Variants in EFNA3 observed in about 807,000 individuals in gnomAD.
The protein encoded by EFNA3 is ephrin-A3.
A neutral mutation model predicts 25.0 loss-of-function variants in EFNA3; 15 were observed. The ratio of observed to expected loss-of-function variants is 0.60; its 90% CI spans 0.40 to 0.92. EFNA3 has a LOEUF of 0.92. Ranked by LOEUF, EFNA3 falls within the 40% of genes least tolerant of loss-of-function variation. EFNA3 has a pLI of 0.00. For missense variants in EFNA3, 298 were observed against 323.8 expected (o/e 0.92, Z 0.61); for synonymous variants, 153 against 145.6 (o/e 1.05, Z -0.37).
rs1663332353 is a variant in EFNA3, at chr1:155,080,993, G to C, written c.128+1924G>C. Among the ~76,000 whole-genome samples the C allele has an allele frequency of 6.6e-6, 1 of 151,944 alleles. No individual in the cohort carries two copies. ...GAGAGGGCCGGGGAGCTGGGGGCGG[G>C]GCCGACCGAGCCACAGGCTCCCGCG... On this transcript the variant is annotated intron_variant, in intron 1 of 4. Transcript: ENST00000368408. This position sits in a 1 kb window ranked among gnomAD's most constrained non-coding sequence, Gnocchi z 7.0.
At position 155,080,042 on chromosome 1, in the gene EFNA3, T is replaced by C. The variant is rs546502372; in HGVS notation, c.128+973T>C. Among the ~76,000 whole-genome samples, 1 of 152,150 alleles carries C rather than the reference T, an allele frequency of 6.6e-6. No homozygotes were observed. The highest frequency in any genetic ancestry group is 2.4e-5 in the African/African-American group (1 of 41,492). ...TTCTGCTCAGTCCTTGCTGCCCTTG[T>C]CTTCTCCTCCCCGCCAAGCCGCCGT... is the stretch of plus-strand genomic sequence containing the variant. On this transcript the variant is annotated intron_variant, in intron 1 of 4. Coordinates refer to ENST00000368408, the MANE Select transcript of EFNA3 (RefSeq NM_004952.5). This position sits in a 1 kb window ranked among gnomAD's most constrained non-coding sequence, Gnocchi z 7.0.
intron 1 of EFNA3, among the ~76,000 whole-genome samples, chr1:155,082,055 C>A (rs1479344476): frequency 6.6e-6 from 1 of 152,192 alleles, no homozygotes; most frequent in African/African-American, 2.4e-5. Context: ...CTGGGACGGG[C>A]GGGGCGCCGA....
At chr1:155,083,086 C>T (rs942231941) in intron 1 of EFNA3, among the ~76,000 whole-genome samples, 4 of 152,196 alleles carry the variant, frequency 2.6e-5, no homozygotes, top group African/African-American at 9.7e-5. Context: ...GGTCGCCCTG[C>T]AACCTTTTTT....
Position 155,085,596 on chromosome 1 carries a change from A to G in EFNA3, c.442+192A>G. ...GACGAGGTCGTGGGGCCAAGAGAGG[A>G]GTTTGGTGACAGTCCCAAGTTTGGG... On this transcript the variant is annotated intron_variant, in intron 2 of 4. Coordinates refer to ENST00000368408, the MANE Select transcript of EFNA3 (RefSeq NM_004952.5). This position sits in a 1 kb window ranked among gnomAD's most constrained non-coding sequence, Gnocchi z 4.4. The G allele has an allele frequency of 4.0e-6, 3 of 758,012 alleles. No homozygotes were observed. Among genetic ancestry groups the G allele is most frequent in the Non-Finnish European group, 6.2e-6 (3 of 482,612 alleles). 47.0% of individuals were successfully genotyped at this position (758,012 alleles called of 1,614,324 possible).
chr1:155,085,091 C>T lies in EFNA3; in HGVS notation c.129C>T (p.His43=). The change falls in exon 2 of 5, where the codon CAC becomes CAT. Residue 43 remains histidine (H), a splice_region_variant and synonymous_variant. Transcript: ENST00000368408. This position sits in a 1 kb window ranked among gnomAD's most constrained non-coding sequence, Gnocchi z 4.4. ...HAVYWNSSNQ[H]LRREGYTVQV... is the part of the protein sequence containing the mutation. ...CTGAGCCGCTTCCTCTTCCCCACAGCCTGCGGCGAGAGGGCTACACCGTGC... is the reference window on the plus strand; with the variant it reads ...CTGAGCCGCTTCCTCTTCCCCACAGTCTGCGGCGAGAGGGCTACACCGTGC... The T allele has an allele frequency of 1.2e-6, 2 of 1,613,564 alleles. No homozygotes were observed. Among genetic ancestry groups the T allele is most frequent in the Non-Finnish European group, 8.5e-7 (1 of 1,179,920 alleles).
intron 4 of EFNA3, 31 bp downstream of exon 4, chr1:155,086,236 C>G (rs1222412904): frequency 1.9e-6 from 3 of 1,611,508 alleles, no homozygotes; most frequent in Middle Eastern, 1.7e-4. Context: ...CTGGTGGCCA[C>G]TGCTGGAACC....
Position 155,080,368 on chromosome 1 carries a change from TG to T in EFNA3, c.128+1304del, listed in dbSNP as rs1334866745. Among the ~76,000 whole-genome samples, 4 of 152,110 alleles carry T rather than the reference TG, an allele frequency of 2.6e-5. No homozygotes were observed. The East Asian group carries it at 7.8e-4, about 30-fold the overall frequency. On this transcript the variant is annotated intron_variant, in intron 1 of 4. Transcript: ENST00000368408. The surrounding 1 kb of genome is among the most constrained non-coding windows in gnomAD (Gnocchi z 7.0). ...CCTCCTCGCGCCCGGAGTGTCAGACTGGGGGTGGGGATGAGCCAACGACGCC... is the reference window on the plus strand; with the variant it reads ...CCTCCTCGCGCCCGGAGTGTCAGACTGGGGTGGGGATGAGCCAACGACGCC...
chr1:155,086,258 C>G, intron 4 of EFNA3, 53 bp downstream of exon 4: 1 of 1,599,450 alleles, frequency 6.3e-7, no homozygotes. Context: ...CAGCCCCCCG[C>G]CCCGGTGCCT....
At position 155,085,865 on chromosome 1, in the gene EFNA3, T is replaced by C; in HGVS notation, c.443-12T>C. 6.2e-7 allele frequency: 1 copy of C among 1,612,608 alleles called. No homozygotes were observed. Among genetic ancestry groups the C allele is most frequent in the Non-Finnish European group, 8.5e-7 (1 of 1,179,392 alleles). On this transcript the variant is annotated splice_polypyrimidine_tract_variant and intron_variant, in intron 2 of 4. Transcript: ENST00000368408. This position sits in a 1 kb window ranked among gnomAD's most constrained non-coding sequence, Gnocchi z 4.4. ...TTGGGCGAAAGTGACTCAGGCCCGG[T>C]CTCCTCCCCAGCCACGCCCACTCAC...
chr1:155,085,752 G>C lies in EFNA3; in HGVS notation c.443-125G>C, dbSNP rs975096102. The C allele has an allele frequency of 7.9e-6, 9 of 1,141,156 alleles. No individual in the cohort carries two copies. The highest frequency in any genetic ancestry group is 1.5e-5 in the African/African-American group (1 of 65,162). The allele number at this position is 1,141,156 out of a possible 1,614,324, so 70.7% of individuals were successfully genotyped here. On this transcript the variant is annotated intron_variant, in intron 2 of 4. Coordinates refer to ENST00000368408, the MANE Select transcript of EFNA3 (RefSeq NM_004952.5). The surrounding 1 kb of genome is among the most constrained non-coding windows in gnomAD (Gnocchi z 4.4). Reference sequence around the variant, plus strand: ...AGCTAAAGTGACCCGTGTCCAAAGGGTAGGGGAGCTCCTGAAGGAGACCGC... The same window carrying C: ...AGCTAAAGTGACCCGTGTCCAAAGGCTAGGGGAGCTCCTGAAGGAGACCGC...
In EFNA3 at chr1:155,081,140, C is replaced by T. The variant is rs539721057; in HGVS notation, c.128+2071C>T. On this transcript the variant is annotated intron_variant, in intron 1 of 4. Coordinates refer to ENST00000368408, the MANE Select transcript of EFNA3 (RefSeq NM_004952.5). The surrounding 1 kb of genome is among the most constrained non-coding windows in gnomAD (Gnocchi z 5.2). Reference sequence around the variant, plus strand: ...GCGACCCCGCCTCCTGGGGGGGTCACGTGCGTCGGCCTCCTTTGACAGACC... The same window carrying T: ...GCGACCCCGCCTCCTGGGGGGGTCATGTGCGTCGGCCTCCTTTGACAGACC... 8.5e-5 allele frequency among the ~76,000 whole-genome samples: 13 copies of T among 152,224 alleles called. No individual in the cohort carries two copies. The highest frequency in any genetic ancestry group is 3.8e-4 in the East Asian group (2 of 5,196).
chr1:155,080,034 T>A lies in EFNA3; in HGVS notation c.128+965T>A, dbSNP rs1318689824. ...GGTCCTCATTCTGCTCAGTCCTTGCTGCCCTTGTCTTCTCCTCCCCGCCAA... is the reference window on the plus strand; with the variant it reads ...GGTCCTCATTCTGCTCAGTCCTTGCAGCCCTTGTCTTCTCCTCCCCGCCAA... On this transcript the variant is annotated intron_variant, in intron 1 of 4. Transcript: ENST00000368408. The surrounding 1 kb of genome is among the most constrained non-coding windows in gnomAD (Gnocchi z 7.0). Among the ~76,000 whole-genome samples the A allele has an allele frequency of 6.6e-6, 1 of 152,082 alleles. No individual in the cohort carries two copies. The highest frequency in any genetic ancestry group is 1.5e-5 in the Non-Finnish European group (1 of 67,994).
rs1663341255 is a variant in EFNA3 at position 155,081,393 on chromosome 1, C to T, written c.128+2324C>T. Among the ~76,000 whole-genome samples the T allele has an allele frequency of 6.6e-6, 1 of 152,208 alleles. No individual in the cohort carries two copies. The highest frequency in any genetic ancestry group is 6.5e-5 in the Admixed American group (1 of 15,288). On this transcript the variant is annotated intron_variant, in intron 1 of 4. Transcript: ENST00000368408. This position sits in a 1 kb window ranked among gnomAD's most constrained non-coding sequence, Gnocchi z 5.2. ...GGACGGCCGATGGCCAAATATATGC[C>T]CCCTGGCCTGTGTTTCATTTCTTTG...
intron 1 of EFNA3, among the ~76,000 whole-genome samples, chr1:155,082,629 C>G (rs1571662686): frequency 6.6e-6 from 1 of 152,132 alleles, no homozygotes; most frequent in South Asian, 2.1e-4. Context: ...CGGCATTCGC[C>G]TTTCTGCAAG....
rs3753642 is a variant in EFNA3 at position 155,083,846 on chromosome 1, T to C, written c.129-1245T>C. ...GTATGACATTTTGCCAAGGACCCCA[T>C]GCCTTTCTGTGTCCACCACTCTCCT... On this transcript the variant is annotated intron_variant, in intron 1 of 4. Transcript: ENST00000368408. Among the ~76,000 whole-genome samples, 81 of 152,338 alleles carry C rather than the reference T, an allele frequency of 5.3e-4. 4 individuals are homozygous for C. In the East Asian group the frequency reaches 0.015, roughly 28 times the overall value.
chr1:155,086,153 C>T lies in EFNA3; in HGVS notation c.534C>T (p.Val178=), dbSNP rs1387212643. 1.9e-6 allele frequency: 3 copies of T among 1,599,452 alleles called. No individual in the cohort carries two copies. The highest frequency in any genetic ancestry group is 2.3e-5 in the East Asian group (1 of 43,686). The part of the protein sequence containing the change: ...ASTSHSGEKP[V]PTLPQFTMGP... ...CATCGCACTCCGGGGAGAAGCCGGT[C>T]CCCACTCTCCCCCAGTTCACCATGG... The change falls in exon 4 of 5, where the codon GTC becomes GTT. Residue 178 remains valine, a synonymous_variant. Coordinates refer to ENST00000368408, the MANE Select transcript of EFNA3 (RefSeq NM_004952.5).
rs750906343 is a variant in EFNA3, at chr1:155,086,137, C to T, written c.518C>T (p.Ser173Phe). 6.2e-7 allele frequency: 1 copy of T among 1,607,292 alleles called. No homozygotes were observed. Among genetic ancestry groups the T allele is most frequent in the Admixed American group, 1.7e-5 (1 of 59,914 alleles). Residue 173 changes from serine to phenylalanine, a missense_variant, in exon 4 of 5, where the codon TCC becomes TTC. Physicochemically the swap from Ser to Phe is radical, Grantham distance 155 (BLOSUM62 -2). Transcript: ENST00000368408. ...GCACCCCACCCCGCAGCATCGCACT[C>T]CGGGGAGAAGCCGGTCCCCACTCTC... The part of the protein sequence containing the change: ...VFVCCASTSH[S>F]GEKPVPTLPQ...
At chr1:155,082,708 C>T (rs909636532) in intron 1 of EFNA3, among the ~76,000 whole-genome samples, 1 of 152,216 alleles carries the variant, frequency 6.6e-6, no homozygotes, top group Non-Finnish European at 1.5e-5. Context: ...CAGGGCACAA[C>T]CCGGTCCCCA....
At chr1:155,084,856 C>G (rs1329122051) in intron 1 of EFNA3, among the ~76,000 whole-genome samples, 2 of 152,250 alleles carry the variant, frequency 1.3e-5, no homozygotes. Context: ...TGCGCCTTTG[C>G]TACCCTCTGG....
Sources: gnomAD v4.1 joint callset for allele counts (sites outside exome capture counted in the v4.1 genomes callset) on GRCh38, gnomAD v4.1.1 for gene constraint, Gnocchi (gnomAD v3.1) non-coding constraint, MANE v1.5 for transcripts, NCBI Gene and HGNC (gene_info 2026-07-23, HGNC 2026-07-21) for gene names.